Variants in DENND4A observed in about 807,000 individuals in gnomAD.
DENND4A encodes DENN domain containing 4A.
DENND4A carries 70 observed loss-of-function variants against 199.3 expected under a neutral mutation model. The observed-to-expected ratio is 0.35, with a 90% CI of 0.29 to 0.43. The LOEUF (loss-of-function observed/expected upper bound fraction) is 0.43, where lower values mean the gene tolerates loss of function less well. Among genes scored for constraint, DENND4A ranks in the 20% least tolerant of loss-of-function variants. The probability of loss-of-function intolerance (pLI) is 1.00; values close to 1 mark genes in which losing one functional copy is unlikely to be tolerated. For synonymous variants in DENND4A, 686 were observed against 766.9 expected (o/e 0.89, Z 1.74); for missense variants, 1,723 against 2,255.8 (o/e 0.76, Z 4.78).
intron 10 of DENND4A, 133 bp downstream of exon 10, chr15:65,729,401 C>T: frequency 2.8e-6 from 4 of 1,410,252 alleles, no homozygotes; most frequent in Non-Finnish European, 3.9e-6. Context: ...GTCAGGAAAT[C>T]AAAACTGCTT....
intron 20 of DENND4A, 141 bp from the exon 21 acceptor site, chr15:65,697,524 A>G: frequency 1.7e-6 from 1 of 593,096 alleles, no homozygotes; most frequent in Non-Finnish European, 2.9e-6. Flanking sequence ...TTATTTTGTT[A>G]GCTACCCTTA....
At chr15:65,677,624 G>T (rs968579673) in intron 23 of DENND4A, among the ~76,000 whole-genome samples, 1 of 152,096 alleles carries the variant, frequency 6.6e-6, no homozygotes, top group Admixed American at 6.5e-5. Context: ...TTTTAAATGT[G>T]CACTTAAATA....
At chr15:65,713,895 T>G (rs974018271) in intron 14 of DENND4A, among the ~76,000 whole-genome samples, 5 of 152,146 alleles carry the variant, frequency 3.3e-5, no homozygotes, top group Non-Finnish European at 7.4e-5. Context: ...GTGTGCTCAT[T>G]GCTTTTGGGG....
At chr15:65,665,169 A>G in intron 30 of DENND4A, 176 bp downstream of exon 30, 1 of 535,300 alleles carries the variant, frequency 1.9e-6, no homozygotes, top group Non-Finnish European at 3.2e-6. Context: ...ACCTCCATAG[A>G]AGGTAGCACT....
intron 4 of DENND4A, among the ~76,000 whole-genome samples, chr15:65,746,431 G>T (rs1379955653): frequency 8.9e-6 from 1 of 112,384 alleles, no homozygotes; most frequent in Non-Finnish European, 1.7e-5. Flanking sequence ...CTGTCACGCA[G>T]ACTGTAGTGC....
Position 65,706,090 on chromosome 15 carries a change from C to A in DENND4A, c.2087+1G>T. 6.3e-7 allele frequency: 1 copy of A among 1,579,748 alleles called. No individual in the cohort carries two copies. Among genetic ancestry groups the A allele is most frequent in the Non-Finnish European group, 8.6e-7 (1 of 1,164,782 alleles). On this transcript the variant is annotated splice_donor_variant, in intron 15 of 32. Transcript: ENST00000443035. LOFTEE classifies it high-confidence loss of function. ...TCTCAAACATTCTGCCTCTTGAATA[C>A]CTGTACTGTAAAGGGGGTTCTTCAC...
chr15:65,737,843 C>G lies in DENND4A; in HGVS notation c.904G>C (p.Asp302His). ...TTAGTATGAATTGTTTTGGAACTAT[C>G]AGACTTCCCATCTGCTGATGTTAAA... ...LGLTSADGKS[D>H]SSKTIHTNKC... Residue 302 changes from aspartate to histidine, a missense_variant, in exon 7 of 33, where the codon GAT (aspartate) becomes CAT (histidine). By Grantham distance (81) the Asp-to-His change is moderately conservative. Coordinates refer to ENST00000443035, the MANE Select transcript of DENND4A (RefSeq NM_001320835.1). 1 of 1,603,792 alleles carries G rather than the reference C, an allele frequency of 6.2e-7. No individual in the cohort carries two copies. Among genetic ancestry groups the G allele is most frequent in the Non-Finnish European group, 8.5e-7 (1 of 1,174,698 alleles).
intron 23 of DENND4A, among the ~76,000 whole-genome samples, chr15:65,681,571 A>ATTTTT (rs1319956178): frequency 2.8e-5 from 4 of 142,348 alleles, no homozygotes; most frequent in Non-Finnish European, 4.6e-5. Context: ...TTGACATTTC[A>ATTTTT]TTTTTTTGTT....
intron 27 of DENND4A, 66 bp downstream of exon 27, chr15:65,669,713 T>C: frequency 7.2e-7 from 1 of 1,380,136 alleles, no homozygotes; most frequent in Non-Finnish European, 9.8e-7. Context: ...CTAATTTTTC[T>C]GTCATACTTC....
At chr15:65,775,346 A>AAAAAG (rs1041251868) in intron 1 of DENND4A, among the ~76,000 whole-genome samples, 1 of 145,100 alleles carries the variant, frequency 6.9e-6, no homozygotes, top group African/African-American at 2.5e-5. Context: ...ACCCTGCCTC[A>AAAAAG]AAAAGAAAAG....
chr15:65,694,327 T>C (rs2077069805), intron 22 of DENND4A, among the ~76,000 whole-genome samples: 1 of 152,048 alleles, frequency 6.6e-6, no homozygotes, highest in South Asian at 2.1e-4. Context: ...CGTGTGCCTG[T>C]AATCCCATCT....
chr15:65,722,177 TC>T (rs2075666879), intron 12 of DENND4A, among the ~76,000 whole-genome samples: 1 of 152,196 alleles, frequency 6.6e-6, no homozygotes, highest in Non-Finnish European at 1.5e-5. Context: ...AAACTAACTT[TC>T]TATTCTGTGT....
chr15:65,728,013 TG>T (rs1567051625), intron 11 of DENND4A, among the ~76,000 whole-genome samples: 1 of 152,048 alleles, frequency 6.6e-6, no homozygotes, highest in African/African-American at 2.4e-5. Context: ...TGTTTTTTTT[TG>T]TTTTTTTCTT....
chr15:65,713,761 C>T (rs1056704591), intron 14 of DENND4A, among the ~76,000 whole-genome samples: 3 of 152,206 alleles, frequency 2.0e-5, no homozygotes, highest in African/African-American at 7.2e-5. Context: ...GGTTTTCTAG[C>T]ACAAGATACT....
At chr15:65,756,593 G>T in intron 2 of DENND4A, 121 bp from the exon 3 acceptor site, 2 of 573,692 alleles carry the variant, frequency 3.5e-6, no homozygotes, top group Non-Finnish European at 5.9e-6. Flanking sequence ...AAACACAGTA[G>T]CATTGTATAT....
At chr15:65,757,034 T>A (rs556830321) in intron 2 of DENND4A, among the ~76,000 whole-genome samples, 1 of 151,908 alleles carries the variant, frequency 6.6e-6, no homozygotes, top group Non-Finnish European at 1.5e-5. Flanking sequence ...TGAAACTCCA[T>A]CTCAAATAAA....
intron 8 of DENND4A, 80 bp downstream of exon 8, chr15:65,732,672 G>C (rs11071849): frequency 1.2e-6 from 1 of 839,220 alleles, no homozygotes; most frequent in Non-Finnish European, 1.9e-6. Flanking sequence ...TCCTCATTCA[G>C]AATTGTTATT....
chr15:65,706,143 G>C lies in DENND4A; in HGVS notation c.2035C>G (p.Pro679Ala), dbSNP rs758613121. 1.9e-6 allele frequency: 3 copies of C among 1,608,224 alleles called. No individual in the cohort carries two copies. The highest frequency in any genetic ancestry group is 1.7e-6 in the Non-Finnish European group (2 of 1,177,352). ...FKSEHTVFVT[P>A]PEIPHLPNGE... ...TTGGGTAGGTGGGGGATCTCAGGTG[G>C]TGTTACAAAAACAGTGTGTTCACTT... The change falls in exon 15 of 33, where the codon CCA becomes GCA. Residue 679 changes from proline to alanine, a missense_variant. Coordinates refer to ENST00000443035, the MANE Select transcript of DENND4A (RefSeq NM_001320835.1).
intron 1 of DENND4A, among the ~76,000 whole-genome samples, chr15:65,789,509 TAA>T (rs11326570): frequency 6.7e-4 from 95 of 142,270 alleles, no homozygotes; most frequent in East Asian, 9.9e-4. Context: ...GGTATTAGAT[TAA>T]AAAAAAAAAA....
Sources: gnomAD v4.1 joint callset for allele counts (sites outside exome capture counted in the v4.1 genomes callset) on GRCh38, gnomAD v4.1.1 for gene constraint, MANE v1.5 for transcripts, NCBI Gene and HGNC (gene_info 2026-07-23, HGNC 2026-07-21) for gene names.